The following BICC1 variants were observed in gnomAD, a reference collection of about 807,000 sequenced individuals.
BICC1 encodes BicC family RNA binding protein 1.
A neutral mutation model predicts 111.0 loss-of-function variants in BICC1; 43 were observed. The ratio of observed to expected loss-of-function variants is 0.39; its 90% CI spans 0.30 to 0.50. The LOEUF (loss-of-function observed/expected upper bound fraction) is 0.50. Among genes scored for constraint, BICC1 ranks in the 20% least tolerant of loss-of-function variants. The probability of loss-of-function intolerance (pLI) is 0.88; values close to 1 mark genes in which losing one functional copy is unlikely to be tolerated. For synonymous variants in BICC1, 467 were observed against 434.4 expected, an observed-to-expected ratio of 1.07 and a Z score of -0.93; for missense variants, 1,091 against 1,203.2, an observed-to-expected ratio of 0.91 and a Z score of 1.38.
At chr10:58,789,050 C>A (rs565060785) in intron 6 of BICC1, among the ~76,000 whole-genome samples, 1 of 151,970 alleles carries the variant, frequency 6.6e-6, no homozygotes, top group Non-Finnish European at 1.5e-5. Context: ...GGGATGATAC[C>A]ACTGCATGCC....
chr10:58,689,799 C>T (rs1839859056), intron 2 of BICC1, among the ~76,000 whole-genome samples: 1 of 152,164 alleles, frequency 6.6e-6, no homozygotes, highest in Admixed American at 6.5e-5. Flanking sequence ...CCTCATTTAC[C>T]AGCTAATTCT....
intron 1 of BICC1, among the ~76,000 whole-genome samples, chr10:58,529,773 T>C (rs1264195660): frequency 2.0e-5 from 3 of 151,772 alleles, no homozygotes; most frequent in Non-Finnish European, 2.9e-5. Context: ...TTGGCACTTA[T>C]TACGTACACA....
chr10:58,552,694 A>C (rs372252248), intron 1 of BICC1, among the ~76,000 whole-genome samples: 1 of 152,290 alleles, frequency 6.6e-6, no homozygotes, highest in East Asian at 1.9e-4. Flanking sequence ...GAAATAAGGA[A>C]ATTGAGTTAA....
chr10:58,727,492 C>T (rs1564577582), intron 3 of BICC1, among the ~76,000 whole-genome samples: 2 of 151,694 alleles, frequency 1.3e-5, no homozygotes, highest in African/African-American at 4.8e-5. Context: ...GAGGCTGAGG[C>T]AGGGGAATCA....
chr10:58,645,615 G>T (rs370571522), intron 2 of BICC1, among the ~76,000 whole-genome samples: 1 of 152,058 alleles, frequency 6.6e-6, no homozygotes, highest in African/African-American at 2.4e-5. Flanking sequence ...ATCCTGGCTC[G>T]CAGTGTAGTA....
intron 3 of BICC1, among the ~76,000 whole-genome samples, chr10:58,771,217 C>G (rs1197878650): frequency 2.0e-5 from 3 of 152,046 alleles, no homozygotes; most frequent in Non-Finnish European, 4.4e-5. Flanking sequence ...GTGGCTGTGC[C>G]AGAGTCTGAA....
intron 1 of BICC1, among the ~76,000 whole-genome samples, chr10:58,524,753 C>G (rs1842484599): frequency 1.3e-5 from 2 of 152,112 alleles, no homozygotes; most frequent in Admixed American, 1.3e-4. Context: ...GCAAAAGAAA[C>G]TACCATCAGA....
chr10:58,607,679 T>A (rs978133910), intron 1 of BICC1, among the ~76,000 whole-genome samples: 2 of 152,206 alleles, frequency 1.3e-5, no homozygotes, highest in African/African-American at 4.8e-5. Flanking sequence ...GTTATTTTGT[T>A]TTGCTTTTGC....
intron 1 of BICC1, among the ~76,000 whole-genome samples, chr10:58,520,282 G>T (rs1371147724): frequency 1.3e-5 from 2 of 152,138 alleles, no homozygotes; most frequent in Non-Finnish European, 2.9e-5. Context: ...CAATTTTATT[G>T]CTAATTTATA....
chr10:58,752,642 C>T (rs182987083), intron 3 of BICC1, among the ~76,000 whole-genome samples: 2 of 152,104 alleles, frequency 1.3e-5, no homozygotes, highest in Admixed American at 6.5e-5. Context: ...TTAGAGGCAC[C>T]GTTGATTCTA....
At chr10:58,653,587 T>A (rs1838520841) in intron 2 of BICC1, among the ~76,000 whole-genome samples, 1 of 152,178 alleles carries the variant, frequency 6.6e-6, no homozygotes, top group African/African-American at 2.4e-5. Context: ...CATGGAAAAC[T>A]GCTGAAGTGT....
At chr10:58,693,237 C>T (rs1839967080) in intron 2 of BICC1, among the ~76,000 whole-genome samples, 1 of 152,148 alleles carries the variant, frequency 6.6e-6, no homozygotes, top group South Asian at 2.1e-4. Flanking sequence ...ATATGTGCCA[C>T]ATTTTCTTAA....
At chr10:58,687,719 A>G (rs1839782309) in intron 2 of BICC1, among the ~76,000 whole-genome samples, 1 of 152,138 alleles carries the variant, frequency 6.6e-6, no homozygotes, top group Admixed American at 6.5e-5. Flanking sequence ...ACCATTGGAA[A>G]AGCGCAGTAT....
intron 17 of BICC1, 142 bp from the exon 18 acceptor site, chr10:58,813,688 C>A: frequency 1.2e-6 from 1 of 826,316 alleles, no homozygotes; most frequent in Non-Finnish European, 1.9e-6. Flanking sequence ...CCACAGCCTT[C>A]CCGAGAGTCA....
intron 3 of BICC1, among the ~76,000 whole-genome samples, chr10:58,774,024 T>C (rs1244891217): frequency 1.3e-5 from 2 of 152,190 alleles, no homozygotes; most frequent in Admixed American, 6.5e-5. Context: ...TTGCCATAAA[T>C]GTTTGAAAGA....
Position 58,813,882 on chromosome 10 carries a change from G to T in BICC1, c.2429G>T (p.Gly810Val). ...AACAGTCGTGAGCACTTGGGAGGTG[G>T]AAGCGAATCTGATAACTGGAGAGAC... The part of the protein sequence containing the change: ...RSNSREHLGG[G>V]SESDNWRDRN... The change falls in exon 18 of 21, where the codon GGA becomes GTA. Residue 810 changes from glycine to valine, a missense_variant. By Grantham distance (109) the Gly-to-Val change is moderately radical. Transcript: ENST00000373886. The T allele has an allele frequency of 6.2e-7, 1 of 1,614,022 alleles. No homozygotes were observed. Among genetic ancestry groups the T allele is most frequent in the Non-Finnish European group, 8.5e-7 (1 of 1,179,914 alleles).
At chr10:58,712,768 A>G (rs1022210917) in intron 3 of BICC1, among the ~76,000 whole-genome samples, 4 of 152,168 alleles carry the variant, frequency 2.6e-5, no homozygotes, top group African/African-American at 4.8e-5. Context: ...ATGATTTACA[A>G]TGGTGACTAT....
At chr10:58,774,330 A>T (rs1842694704) in intron 3 of BICC1, among the ~76,000 whole-genome samples, 1 of 152,234 alleles carries the variant, frequency 6.6e-6, no homozygotes, top group Admixed American at 6.5e-5. Flanking sequence ...TGTTGTCATT[A>T]TTGCTAACAT....
chr10:58,603,322 G>A (rs1845103745), intron 1 of BICC1, among the ~76,000 whole-genome samples: 1 of 152,200 alleles, frequency 6.6e-6, no homozygotes, highest in Non-Finnish European at 1.5e-5. Flanking sequence ...TTGGAAATAA[G>A]TAGTGTTGAT....
Sources: allele counts gnomAD v4.1 joint callset (sites outside exome capture counted in the v4.1 genomes callset), GRCh38; gene constraint gnomAD v4.1.1; transcripts MANE v1.5; gene names NCBI Gene and HGNC (gene_info 2026-07-23, HGNC 2026-07-21).